The following KIZ variants were observed in gnomAD, a reference collection of about 807,000 sequenced individuals.
KIZ encodes centrosomal protein kizuna.
KIZ carries 68 observed loss-of-function variants against 79.6 expected under a neutral mutation model. That is an observed-to-expected ratio of 0.85 (90% CI 0.70 to 1.05). The LOEUF (loss-of-function observed/expected upper bound fraction) is 1.05, where lower values mean the gene tolerates loss of function less well. KIZ is among the 50% of genes least tolerant of loss of function. The pLI, the probability that KIZ is intolerant of heterozygous loss-of-function variation, is 0.00. For synonymous variants in KIZ, 280 were observed against 281.8 expected (o/e 0.99, Z 0.06); for missense variants, 797 against 800.4 (o/e 1.00, Z 0.05).
At chr20:21,132,235 C>G (rs2031895852) in intron 2 of KIZ, 76 bp downstream of exon 2, 1 of 727,358 alleles carries the variant, frequency 1.4e-6, no homozygotes, top group Middle Eastern at 3.6e-4. Flanking sequence ...AATGTTATGT[C>G]ATAAATATTG....
intron 4 of KIZ, chr20:21,151,968 T>C (rs1369775058): frequency 2.0e-5 from 3 of 152,202 alleles, no homozygotes; most frequent in African/African-American, 7.2e-5. Flanking sequence ...AGCACCCTCA[T>C]GATCAAGTAT....
intron 6 of KIZ, among the ~76,000 whole-genome samples, chr20:21,164,731 T>C (rs2033850519): frequency 6.6e-6 from 1 of 151,770 alleles, no homozygotes; most frequent in African/African-American, 2.4e-5. Context: ...TTTTTAATGA[T>C]CTTGGAGGCA....
At chr20:21,163,908 T>G (rs368100986) in intron 6 of KIZ, among the ~76,000 whole-genome samples, 1 of 152,196 alleles carries the variant, frequency 6.6e-6, no homozygotes, top group Non-Finnish European at 1.5e-5. Context: ...AAAATGGCAT[T>G]AATAACATCA....
At chr20:21,138,048 G>T (rs182287915) in intron 3 of KIZ, among the ~76,000 whole-genome samples, 1 of 149,390 alleles carries the variant, frequency 6.7e-6, no homozygotes, top group African/African-American at 2.4e-5. Flanking sequence ...CTGGAATTAT[G>T]GGTTTGAGCC....
intron 6 of KIZ, among the ~76,000 whole-genome samples, chr20:21,170,333 A>AT (rs2034146515): frequency 6.6e-6 from 1 of 152,108 alleles, no homozygotes; most frequent in African/African-American, 2.4e-5. Flanking sequence ...TAAATGTACA[A>AT]TTAAATTATT....
At chr20:21,140,548 C>CT (rs1491093474) in intron 3 of KIZ, among the ~76,000 whole-genome samples, 1 of 152,118 alleles carries the variant, frequency 6.6e-6, no homozygotes, top group Admixed American at 6.5e-5. Context: ...ACTCATAATA[C>CT]TTTATTTGGA....
At chr20:21,217,209 A>G (rs1385346879) in intron 9 of KIZ, among the ~76,000 whole-genome samples, 3 of 152,202 alleles carry the variant, frequency 2.0e-5, no homozygotes, top group Non-Finnish European at 2.9e-5. Flanking sequence ...TGTCCTTGCC[A>G]GTGTACTATC....
At chr20:21,162,708 C>T (rs1002226542) in intron 5 of KIZ, 142 bp from the exon 6 acceptor site, 18 of 823,262 alleles carry the variant, frequency 2.2e-5, no homozygotes, top group Admixed American at 5.9e-5. Context: ...CATTTGAAAA[C>T]GTGTTTAAGC....
chr20:21,143,101 A>C (rs1324899258), intron 3 of KIZ, among the ~76,000 whole-genome samples: 1 of 152,162 alleles, frequency 6.6e-6, no homozygotes, highest in Non-Finnish European at 1.5e-5. Flanking sequence ...GAGGAAGCAC[A>C]GATATTGGAA....
intron 7 of KIZ, 21 bp from the exon 8 acceptor site, chr20:21,214,514 G>C: frequency 6.3e-7 from 1 of 1,577,050 alleles, no homozygotes; most frequent in Non-Finnish European, 8.7e-7. Context: ...ATTTCTTTGT[G>C]CTTTTTTTGA....
intron 11 of KIZ, 146 bp from the exon 12 acceptor site, chr20:21,244,099 C>G (rs1349673497): frequency 1.2e-5 from 8 of 680,728 alleles, no homozygotes; most frequent in Non-Finnish European, 1.8e-5. Flanking sequence ...CCGATATTTT[C>G]CCTTTACTTT....
intron 4 of KIZ, among the ~76,000 whole-genome samples, chr20:21,156,853 A>C (rs2033410116): frequency 6.6e-6 from 1 of 152,228 alleles, no homozygotes; most frequent in African/African-American, 2.4e-5. Flanking sequence ...ATATATGTAG[A>C]GGGAGAGAAA....
In KIZ at chr20:21,244,400, CA is replaced by C. The variant is rs538016650; in HGVS notation, c.1924+113del. On this transcript the variant is annotated intron_variant, in intron 12 of 12. Coordinates refer to ENST00000619189, the MANE Select transcript of KIZ (RefSeq NM_018474.6). The stretch of plus-strand genomic sequence containing the variant: ...GTGAGTCCTGAAGCGGGCATGCTCA[CA>C]GGGACTGCCATTGCAGCTGTCCCTG... The C allele has an allele frequency of 5.4e-4, 407 of 749,950 alleles. 2 individuals carry two copies. The highest frequency in any genetic ancestry group is 7.5e-4 in the Non-Finnish European group (320 of 427,770). 46.5% of individuals were successfully genotyped at this position (749,950 alleles called of 1,614,324 possible). A position where few individuals can be genotyped will look rare whatever the true frequency, so the allele number is the denominator to read the frequency against.
At chr20:21,142,345 A>G (rs958286453) in intron 3 of KIZ, among the ~76,000 whole-genome samples, 19 of 151,972 alleles carry the variant, frequency 1.3e-4, no homozygotes, top group African/African-American at 4.4e-4. Context: ...TATTATTTCA[A>G]TGCTCTCAGT....
chr20:21,127,097 C>T (rs2031530314), intron 1 of KIZ, among the ~76,000 whole-genome samples: 1 of 152,168 alleles, frequency 6.6e-6, no homozygotes, highest in African/African-American at 2.4e-5. Context: ...AAAATAAAGG[C>T]AGAAGTGAGC....
intron 4 of KIZ, among the ~76,000 whole-genome samples, chr20:21,160,645 A>T (rs1003485873): frequency 5.9e-5 from 9 of 152,192 alleles, no homozygotes; most frequent in Admixed American, 5.2e-4. Flanking sequence ...GACACCTGTC[A>T]TTCTTAGTAT....
At chr20:21,237,955 A>G (rs2037078468) in intron 11 of KIZ, among the ~76,000 whole-genome samples, 2 of 152,070 alleles carry the variant, frequency 1.3e-5, no homozygotes. Flanking sequence ...TCAGCCTCCC[A>G]AGTAGCTGAG....
At chr20:21,193,995 T>TA (rs2035229285) in intron 6 of KIZ, 1 of 152,008 alleles carries the variant, frequency 6.6e-6, no homozygotes, top group Non-Finnish European at 1.5e-5. Context: ...CCCTAAAACT[T>TA]AAAGTATAAT....
At chr20:21,127,607 A>AT (rs1568898196) in intron 1 of KIZ, among the ~76,000 whole-genome samples, 1 of 152,216 alleles carries the variant, frequency 6.6e-6, no homozygotes, top group Non-Finnish European at 1.5e-5. Flanking sequence ...GATTTGTTTT[A>AT]TTTTTAAGTC....
Sources: gnomAD v4.1 joint callset for allele counts (sites outside exome capture counted in the v4.1 genomes callset) on GRCh38, gnomAD v4.1.1 for gene constraint, MANE v1.5 for transcripts, NCBI Gene and HGNC (gene_info 2026-07-23, HGNC 2026-07-21) for gene names.